Variants in ATP8B4 observed in about 807,000 individuals in gnomAD.
ATP8B4 encodes ATPase phospholipid transporting 8B4 (putative), also known as probable phospholipid-transporting ATPase IM.
A neutral mutation model predicts 145.6 loss-of-function variants in ATP8B4; 133 were observed. The ratio of observed to expected loss-of-function variants is 0.91; its 90% confidence interval spans 0.79 to 1.05. ATP8B4 has a LOEUF of 1.05. ATP8B4 is among the 50% of genes least tolerant of loss of function. The probability of loss-of-function intolerance (pLI) is 0.00; values close to 1 mark genes in which losing one functional copy is unlikely to be tolerated. For synonymous variants in ATP8B4, 507 were observed against 492.9 expected (o/e 1.03, Z -0.38); for missense variants, 1,458 against 1,425.2 (o/e 1.02, Z -0.37).
intron 6 of ATP8B4, chr15:50,018,806 T>G: frequency 1.6e-6 from 1 of 632,570 alleles, no homozygotes; most frequent in African/African-American, 2.0e-5. Flanking sequence ...TAACATCACG[T>G]CAACAGATTT....
At chr15:49,989,124 G>A (rs1392294173) in intron 9 of ATP8B4, among the ~76,000 whole-genome samples, 2 of 152,120 alleles carry the variant, frequency 1.3e-5, no homozygotes, top group Admixed American at 6.6e-5. Flanking sequence ...CCAAGGGAAG[G>A]GGCTGAATTC....
intron 7 of ATP8B4, among the ~76,000 whole-genome samples, chr15:50,008,544 C>G (rs2048488511): frequency 6.6e-6 from 1 of 152,184 alleles, no homozygotes; most frequent in Non-Finnish European, 1.5e-5. Context: ...CTTGTGCTTG[C>G]CTTCTGTATT....
At chr15:49,871,417 C>T (rs1225070212) in intron 25 of ATP8B4, among the ~76,000 whole-genome samples, 1 of 152,136 alleles carries the variant, frequency 6.6e-6, no homozygotes, top group Non-Finnish European at 1.5e-5. Context: ...ACTGTGTGAC[C>T]TCAGGCAAGT....
intron 1 of ATP8B4, among the ~76,000 whole-genome samples, chr15:50,137,515 C>G (rs906273616): frequency 6.6e-6 from 1 of 152,210 alleles, no homozygotes; most frequent in African/African-American, 2.4e-5. Context: ...GACTAACTAC[C>G]AGCAGCATTT....
At chr15:50,024,723 T>G (rs1468700497) in intron 6 of ATP8B4, among the ~76,000 whole-genome samples, 1 of 152,224 alleles carries the variant, frequency 6.6e-6, no homozygotes, top group Non-Finnish European at 1.5e-5. Flanking sequence ...TGGGGGCAGC[T>G]GCGAATGAAA....
chr15:49,864,246 G>A (rs1212302543), intron 26 of ATP8B4, among the ~76,000 whole-genome samples: 1 of 152,188 alleles, frequency 6.6e-6, no homozygotes, highest in Non-Finnish European at 1.5e-5. Context: ...TTAAGTGTAT[G>A]CGTGAATTTA....
intron 26 of ATP8B4, among the ~76,000 whole-genome samples, chr15:49,863,413 GGTCA>G (rs1475955015): frequency 1.3e-5 from 2 of 152,152 alleles, no homozygotes; most frequent in Non-Finnish European, 2.9e-5. Flanking sequence ...AGGCAATACG[GGTCA>G]GTAAGGCAGG....
chr15:50,088,302 C>T (rs1054829068), intron 2 of ATP8B4, among the ~76,000 whole-genome samples: 6 of 151,884 alleles, frequency 4.0e-5, no homozygotes, highest in Middle Eastern at 3.4e-3. Context: ...ACCCGGGAGG[C>T]GTCTCTGCAC....
intron 13 of ATP8B4, among the ~76,000 whole-genome samples, chr15:49,968,411 A>T (rs1041677164): frequency 8.6e-6 from 1 of 116,184 alleles, no homozygotes; most frequent in Non-Finnish European, 1.7e-5. Context: ...TAGGCTCAAA[A>T]TAAAGGGATG....
At chr15:49,981,181 G>A (rs755778327) in intron 11 of ATP8B4, 25 bp downstream of exon 11, 3 of 1,469,640 alleles carry the variant, frequency 2.0e-6, no homozygotes, top group East Asian at 4.6e-5. Flanking sequence ...AATGACTAGT[G>A]ATATTGCCTA....
intron 1 of ATP8B4, among the ~76,000 whole-genome samples, chr15:50,152,457 A>G (rs1274412400): frequency 2.0e-5 from 3 of 152,188 alleles, no homozygotes; most frequent in Admixed American, 1.3e-4. Flanking sequence ...AAGGAGATCT[A>G]GTATCACTTA....
In ATP8B4 at chr15:50,019,003, G is replaced by A. The variant is rs80221050; in HGVS notation, c.363-8086C>T. On this transcript the variant is annotated intron_variant, in intron 6 of 27. Transcript: ENST00000284509. ...TTCATTATGAGGAGAAACAAAGTTC[G>A]AGTCAATGTAAATCCATGAATGACA... is the stretch of plus-strand genomic sequence containing the variant. 8,732 of 1,089,046 alleles carry A rather than the reference G, an allele frequency of 8.0e-3. 533 individuals carry two copies. The African/African-American group carries it at 0.13, about 16-fold the overall frequency. 67.5% of individuals were successfully genotyped at this position (1,089,046 alleles called of 1,614,324 possible). A position where few individuals can be genotyped will look rare whatever the true frequency, so the allele number is the denominator to read the frequency against.
Position 50,080,122 on chromosome 15 carries a change from T to G in ATP8B4, c.29-5937A>C, listed in dbSNP as rs1159596330. ...GATAAGTAAGCCTTCAAAGTGCTACTCCATATAGGATGACGATAATAACCT... is the reference window on the plus strand; with the variant it reads ...GATAAGTAAGCCTTCAAAGTGCTACGCCATATAGGATGACGATAATAACCT... On this transcript the variant is annotated intron_variant, in intron 2 of 27. Transcript: ENST00000284509. Among the ~76,000 whole-genome samples, 3 of 152,164 alleles carry G rather than the reference T, an allele frequency of 2.0e-5. No homozygotes were observed. In the East Asian group the frequency reaches 5.8e-4, roughly 29 times the overall value.
At chr15:50,118,377 G>T (rs112098743) in intron 1 of ATP8B4, among the ~76,000 whole-genome samples, 4,751 of 152,180 alleles carry the variant, frequency 0.031, 273 homozygotes, top group African/African-American at 0.11. Context: ...AATCAAAACT[G>T]AAATCACTCT....
chr15:50,042,694 T>C (rs2051393116), intron 5 of ATP8B4, among the ~76,000 whole-genome samples: 1 of 152,256 alleles, frequency 6.6e-6, no homozygotes, highest in African/African-American at 2.4e-5. Context: ...GTCTCTTTCA[T>C]TTCTGCATTC....
At chr15:50,125,021 A>G (rs118030204) in intron 1 of ATP8B4, among the ~76,000 whole-genome samples, 2,028 of 152,318 alleles carry the variant, frequency 0.013, 9 homozygotes, top group Non-Finnish European at 0.02. Flanking sequence ...TCCCTAAAAT[A>G]ATGTATCTCT....
intron 9 of ATP8B4, among the ~76,000 whole-genome samples, chr15:49,995,440 A>C (rs1470163010): frequency 6.6e-6 from 1 of 152,186 alleles, no homozygotes; most frequent in Non-Finnish European, 1.5e-5. Context: ...GTTTTATTCT[A>C]ATCAAAATAT....
chr15:49,920,510 A>G (rs1024641994), intron 17 of ATP8B4, 100 bp from the exon 18 acceptor site: 26 of 1,330,058 alleles, frequency 2.0e-5, no homozygotes, highest in Non-Finnish European at 7.1e-6. Flanking sequence ...ACTCAAATTC[A>G]TTTTGTACCA....
chr15:50,091,039 G>T (rs1044163960), intron 2 of ATP8B4, among the ~76,000 whole-genome samples: 3 of 152,048 alleles, frequency 2.0e-5, no homozygotes, highest in Non-Finnish European at 4.4e-5. Context: ...TTAAAAAAAA[G>T]AAAATAGCAC....
Sources: allele counts gnomAD v4.1 joint callset (sites outside exome capture counted in the v4.1 genomes callset), GRCh38; gene constraint gnomAD v4.1.1; transcripts MANE v1.5; gene names NCBI Gene and HGNC (gene_info 2026-07-23, HGNC 2026-07-21).